The following RHOBTB1 variants were observed in gnomAD, a reference collection of about 807,000 sequenced individuals.
RHOBTB1 encodes rho-related BTB domain-containing protein 1.
In RHOBTB1, 40 loss-of-function variants were observed where a neutral mutation model predicts 71.6. That is an observed-to-expected ratio of 0.56 (90% CI 0.43 to 0.73). The LOEUF (loss-of-function observed/expected upper bound fraction) is 0.73. Ranked by LOEUF, RHOBTB1 falls within the 30% of genes least tolerant of loss-of-function variation. RHOBTB1 has a pLI of 0.00. For missense variants in RHOBTB1, 797 were observed against 894.0 expected (o/e 0.89, Z 1.38); for synonymous variants, 319 against 334.9 (o/e 0.95, Z 0.52).
intron 2 of RHOBTB1, among the ~76,000 whole-genome samples, chr10:60,928,707 T>C (rs950510807): frequency 3.9e-5 from 6 of 152,098 alleles, no homozygotes; most frequent in African/African-American, 1.2e-4. Flanking sequence ...ATCTAGTGTT[T>C]GGTAGCACAA....
At chr10:60,966,537 G>A (rs1318309267) in intron 2 of RHOBTB1, among the ~76,000 whole-genome samples, 6 of 151,360 alleles carry the variant, frequency 4.0e-5, no homozygotes, top group Admixed American at 3.3e-4. Context: ...AAACTATAAT[G>A]AAGAAACCAC....
Position 60,888,449 on chromosome 10 carries a change from G to T in RHOBTB1, c.1219C>A (p.Gln407Lys). The change falls in exon 6 of 11, where the codon CAG becomes AAG. Residue 407 changes from glutamine to lysine, a missense_variant. By Grantham distance (53) the Gln-to-Lys change is moderately conservative (BLOSUM62 1). This residue lies in a region of RHOBTB1 where 658 missense variants were observed against 681.5 expected (regional missense o/e 0.97). Transcript: ENST00000337910. ...MTVVRMDASVQPGPFRTLLQF... is the reference protein window; with the variant it reads ...MTVVRMDASVKPGPFRTLLQF... ...AGCAGGGTCCGAAAAGGGCCTGGCTGGACTGAAGCGTCCATCCTGACCACA... is the reference window on the plus strand; with the variant it reads ...AGCAGGGTCCGAAAAGGGCCTGGCTTGACTGAAGCGTCCATCCTGACCACA... 1 of 1,614,186 alleles carries T rather than the reference G, an allele frequency of 6.2e-7. No homozygotes were observed. The highest frequency in any genetic ancestry group is 1.1e-5 in the South Asian group (1 of 91,078).
intron 4 of RHOBTB1, among the ~76,000 whole-genome samples, chr10:60,898,515 T>C (rs1461824567): frequency 6.6e-6 from 1 of 152,114 alleles, no homozygotes; most frequent in Non-Finnish European, 1.5e-5. Context: ...TTGTCAGTGA[T>C]GGTGCACATA....
chr10:60,982,370 G>A (rs772593087), intron 2 of RHOBTB1, among the ~76,000 whole-genome samples: 1 of 152,136 alleles, frequency 6.6e-6, no homozygotes, highest in African/African-American at 2.4e-5. Context: ...CTTCTCAAAT[G>A]ACAACAGTAA....
upstream of RHOBTB1, among the ~76,000 whole-genome samples, chr10:60,944,868 G>A (rs2085153253): frequency 2.0e-5 from 3 of 152,182 alleles, no homozygotes; most frequent in Non-Finnish European, 4.4e-5. Flanking sequence ...AGGGGGCGTA[G>A]GGACGCACCG....
intron 2 of RHOBTB1, among the ~76,000 whole-genome samples, chr10:60,934,417 C>A (rs1046637120): frequency 6.6e-6 from 1 of 152,112 alleles, no homozygotes; most frequent in African/African-American, 2.4e-5. Context: ...CAGCATAGAA[C>A]AATGCAACAA....
At chr10:60,882,457 A>G (rs1395671905) in intron 7 of RHOBTB1, among the ~76,000 whole-genome samples, 4 of 152,222 alleles carry the variant, frequency 2.6e-5, no homozygotes, top group African/African-American at 9.6e-5. Flanking sequence ...TGCTACATTA[A>G]AAGTAATGAG....
At chr10:60,868,301 A>G (rs1232795559), downstream of RHOBTB1, among the ~76,000 whole-genome samples, 1 of 151,888 alleles carries the variant, frequency 6.6e-6, no homozygotes, top group Non-Finnish European at 1.5e-5. Context: ...CTATCTATCT[A>G]TCATCTATCT....
intron 2 of RHOBTB1, among the ~76,000 whole-genome samples, chr10:60,976,385 A>G (rs1189205986): frequency 6.6e-6 from 1 of 151,794 alleles, no homozygotes; most frequent in Non-Finnish European, 1.5e-5. Flanking sequence ...CCATATTTAT[A>G]TTCATATAGT....
At chr10:60,909,810 T>G (rs561837380) in intron 4 of RHOBTB1, among the ~76,000 whole-genome samples, 6 of 152,224 alleles carry the variant, frequency 3.9e-5, no homozygotes, top group East Asian at 1.9e-4. Context: ...CATAACTCTC[T>G]GAGTCCCCTT....
At position 60,934,053 on chromosome 10, in the gene RHOBTB1, C is replaced by T. The variant is rs892534871; in HGVS notation, c.-11+7751G>A. Among the ~76,000 whole-genome samples, 4 of 151,940 alleles carry T rather than the reference C, an allele frequency of 2.6e-5. No individual in the cohort carries two copies. The East Asian group carries it at 7.7e-4, about 29-fold the overall frequency. The stretch of plus-strand genomic sequence containing the variant: ...TTCTCATCTATATATTCCATCTCTT[C>T]TATAGTGAACATGTGTTCTTTGTGA... On this transcript the variant is annotated intron_variant, in intron 2 of 10. Coordinates refer to ENST00000337910, the MANE Select transcript of RHOBTB1 (RefSeq NM_014836.5).
At chr10:60,928,719 G>T (rs1399316892) in intron 2 of RHOBTB1, among the ~76,000 whole-genome samples, 8 of 152,014 alleles carry the variant, frequency 5.3e-5, no homozygotes, top group Admixed American at 3.3e-4. Flanking sequence ...GTAGCACAAT[G>T]GGGCAACTAT....
chr10:60,899,254 G>A (rs1277271525), intron 4 of RHOBTB1, among the ~76,000 whole-genome samples: 1 of 152,182 alleles, frequency 6.6e-6, no homozygotes, highest in African/African-American at 2.4e-5. Flanking sequence ...CCTGGTCAAC[G>A]AATGCAGGAG....
chr10:60,911,594 T>C, intron 2 of RHOBTB1, 42 bp from the exon 3 acceptor site: 1 of 1,516,012 alleles, frequency 6.6e-7, no homozygotes, highest in South Asian at 1.1e-5. Flanking sequence ...ACACCAAGGC[T>C]TTCCAGAGCA....
In RHOBTB1 at chr10:60,886,229, G is replaced by T. The variant is rs144676711; in HGVS notation, c.1458C>A (p.Asp486Glu). Residue 486 changes from aspartate to glutamate, a missense_variant and splice_region_variant, in exon 7 of 11, where the codon GAC (aspartate) becomes GAA (glutamate). Around this residue, in one of 2 missense-constraint regions of RHOBTB1, gnomAD observed 658 missense variants for 681.5 expected, o/e 0.97. Coordinates refer to ENST00000337910, the MANE Select transcript of RHOBTB1 (RefSeq NM_014836.5). Reference protein sequence around the residue: ...KECLSKGTFSDVTFKLDDGAI... With the variant: ...KECLSKGTFSEVTFKLDDGAI... The stretch of plus-strand genomic sequence containing the variant: ...CTCCATCGTCCAATTTAAATGTCAC[G>T]TCTGCCAAGGGATTGAGGAAACACA... The T allele has an allele frequency of 6.2e-7, 1 of 1,612,074 alleles. No individual in the cohort carries two copies. The highest frequency in any genetic ancestry group is 1.1e-5 in the South Asian group (1 of 91,012).
intron 4 of RHOBTB1, among the ~76,000 whole-genome samples, chr10:60,903,281 T>G (rs1032211023): frequency 6.6e-6 from 1 of 152,134 alleles, no homozygotes; most frequent in South Asian, 2.1e-4. Flanking sequence ...GCAAATACTT[T>G]GTTATGTCTG....
intron 1 of RHOBTB1, among the ~76,000 whole-genome samples, chr10:60,999,665 T>C (rs542895900): frequency 6.6e-6 from 1 of 152,212 alleles, no homozygotes; most frequent in African/African-American, 2.4e-5. Flanking sequence ...AAACCACAGG[T>C]TGAATTCAAC....
At chr10:60,865,562 A>G (rs1010271730), downstream of RHOBTB1, among the ~76,000 whole-genome samples, 1 of 152,176 alleles carries the variant, frequency 6.6e-6, no homozygotes, top group Non-Finnish European at 1.5e-5. Flanking sequence ...GCCAGATGGG[A>G]TGGAATAACT....
In RHOBTB1 at chr10:60,877,973, A is replaced by C; in HGVS notation, c.1661T>G (p.Leu554Arg). 6.2e-7 allele frequency: 1 copy of C among 1,614,092 alleles called. No individual in the cohort carries two copies. Among genetic ancestry groups the C allele is most frequent in the Non-Finnish European group, 8.5e-7 (1 of 1,179,942 alleles). ...CAAGGCAATTAATTCCAGCGGGTCC[A>C]GATCCAAGTTAGGAGACAACTGCTT... ...YTKQLSPNLD[L>R]DPLELIALAN... The change falls in exon 8 of 11, where the codon CTG becomes CGG. Residue 554 changes from leucine to arginine, a missense_variant. This residue lies in a region of RHOBTB1 where 658 missense variants were observed against 681.5 expected (regional missense o/e 0.97). Transcript: ENST00000337910.
Sources: allele counts gnomAD v4.1 joint callset (sites outside exome capture counted in the v4.1 genomes callset), GRCh38; gene constraint gnomAD v4.1.1; regional missense constraint gnomAD v4.1.1; transcripts MANE v1.5; gene names NCBI Gene and HGNC (gene_info 2026-07-23, HGNC 2026-07-21).